Variants in FARS2 observed in about 807,000 individuals in gnomAD.
The protein encoded by FARS2 is phenylalanine--tRNA ligase, mitochondrial.
In FARS2, 40 loss-of-function variants were observed where a neutral mutation model predicts 46.4. That is an observed-to-expected ratio of 0.86 (90% CI 0.67 to 1.12). FARS2 has a LOEUF of 1.12. Ranked by LOEUF, FARS2 falls within the 50% of genes most tolerant of loss-of-function variation. The pLI, the probability that FARS2 is intolerant of heterozygous loss-of-function variation, is 0.00. For synonymous variants in FARS2, 234 were observed against 214.9 expected (o/e 1.09, Z -0.78); for missense variants, 513 against 567.9 (o/e 0.90, Z 0.98).
intron 5 of FARS2, among the ~76,000 whole-genome samples, chr6:5,596,044 C>A (rs1179082100): frequency 6.6e-6 from 1 of 152,090 alleles, no homozygotes; most frequent in East Asian, 1.9e-4. Context: ...TATGTTACCC[C>A]ATTTAATTTT....
intron 2 of FARS2, among the ~76,000 whole-genome samples, chr6:5,393,551 G>T (rs1176511217): frequency 2.0e-5 from 3 of 152,108 alleles, no homozygotes; most frequent in Non-Finnish European, 2.9e-5. Context: ...CCAGCTACTT[G>T]GGAGGCTGAG....
chr6:5,577,905 C>T (rs974908596), intron 5 of FARS2, among the ~76,000 whole-genome samples: 1 of 152,036 alleles, frequency 6.6e-6, no homozygotes, highest in African/African-American at 2.4e-5. Context: ...GGGTTCACGC[C>T]ATTCTCCTGC....
At chr6:5,411,475 G>T (rs1761938893) in intron 3 of FARS2, among the ~76,000 whole-genome samples, 1 of 152,006 alleles carries the variant, frequency 6.6e-6, no homozygotes, top group South Asian at 2.1e-4. Flanking sequence ...AAAACTTAAG[G>T]TTCACTCTTT....
chr6:5,517,735 A>G (rs566226705), intron 4 of FARS2, among the ~76,000 whole-genome samples: 1 of 152,338 alleles, frequency 6.6e-6, no homozygotes, highest in East Asian at 1.9e-4. Context: ...TACATGGTGA[A>G]ATGAGTATTT....
intron 5 of FARS2, among the ~76,000 whole-genome samples, chr6:5,558,573 G>A (rs1771803252): frequency 6.6e-6 from 1 of 151,926 alleles, no homozygotes; most frequent in Non-Finnish European, 1.5e-5. Context: ...GTCTCTCTCT[G>A]TCCCCCAGGC....
chr6:5,538,245 A>T (rs1770344591), intron 4 of FARS2, among the ~76,000 whole-genome samples: 1 of 152,094 alleles, frequency 6.6e-6, no homozygotes, highest in South Asian at 2.1e-4. Flanking sequence ...TGAAAATTAT[A>T]CCTACCTTGG....
At chr6:5,527,640 A>T (rs543579012) in intron 4 of FARS2, among the ~76,000 whole-genome samples, 1 of 152,346 alleles carries the variant, frequency 6.6e-6, no homozygotes, top group Admixed American at 6.5e-5. Flanking sequence ...GATCATTTTA[A>T]TGCACTTAAA....
intron 6 of FARS2, among the ~76,000 whole-genome samples, chr6:5,689,501 G>T (rs1393686992): frequency 6.6e-6 from 1 of 152,182 alleles, no homozygotes; most frequent in Non-Finnish European, 1.5e-5. Context: ...CCATGTAGTT[G>T]AGCGGTTTTG....
intron 5 of FARS2, among the ~76,000 whole-genome samples, chr6:5,585,004 A>G (rs1773537412): frequency 6.6e-6 from 1 of 152,200 alleles, no homozygotes; most frequent in African/African-American, 2.4e-5. Flanking sequence ...TTATTGTAAT[A>G]TCCTTCTTCC....
At chr6:5,351,138 A>T (rs905823968) in intron 1 of FARS2, among the ~76,000 whole-genome samples, 7 of 152,168 alleles carry the variant, frequency 4.6e-5, no homozygotes, top group African/African-American at 1.7e-4. Flanking sequence ...TCTGTATTGC[A>T]TTTATTCCAC....
At chr6:5,462,930 A>G (rs555662048) in intron 4 of FARS2, among the ~76,000 whole-genome samples, 2 of 152,358 alleles carry the variant, frequency 1.3e-5, no homozygotes, top group East Asian at 3.9e-4. Flanking sequence ...TGGAATTTAT[A>G]TTTATATCAG....
intron 2 of FARS2, among the ~76,000 whole-genome samples, chr6:5,401,010 T>G (rs368259412): frequency 6.6e-6 from 1 of 152,194 alleles, no homozygotes; most frequent in African/African-American, 2.4e-5. Context: ...TTGTATCCAT[T>G]TGCCTGTTAT....
chr6:5,693,539 C>T lies in FARS2; in HGVS notation c.1218-77752C>T, dbSNP rs534275169. ...TTATCCTTAGCAGTTGCAAGGTGGC[C>T]TGTTTTCAAGTAAACCTAGAGTAAA... On this transcript the variant is annotated intron_variant, in intron 6 of 6. Coordinates refer to ENST00000274680, the MANE Select transcript of FARS2 (RefSeq NM_006567.5). Among the ~76,000 whole-genome samples the T allele has an allele frequency of 3.9e-4, 60 of 152,336 alleles. No homozygotes were observed. The South Asian group carries it at 0.01, about 26-fold the overall frequency.
intron 3 of FARS2, among the ~76,000 whole-genome samples, chr6:5,405,418 G>A (rs1761510164): frequency 6.6e-6 from 1 of 150,858 alleles, no homozygotes; most frequent in Admixed American, 6.6e-5. Context: ...AAATATACAG[G>A]CTGATTTGGA....
chr6:5,541,207 A>G (rs1001729497), intron 4 of FARS2, among the ~76,000 whole-genome samples: 1 of 152,206 alleles, frequency 6.6e-6, no homozygotes, highest in Non-Finnish European at 1.5e-5. Flanking sequence ...TCCACAAACT[A>G]TCAGTTTCCA....
intron 4 of FARS2, among the ~76,000 whole-genome samples, chr6:5,541,870 C>G (rs947647031): frequency 2.0e-5 from 3 of 152,150 alleles, no homozygotes; most frequent in African/African-American, 7.2e-5. Flanking sequence ...GTGGATTATT[C>G]ATGAGTTTTC....
rs1762664532 is a variant in FARS2, at chr6:5,764,791, G to C, written c.1218-6500G>C. Among the ~76,000 whole-genome samples, 1 of 152,184 alleles carries C rather than the reference G, an allele frequency of 6.6e-6. No individual in the cohort carries two copies. The highest frequency in any genetic ancestry group is 1.5e-5 in the Non-Finnish European group (1 of 68,036). On this transcript the variant is annotated intron_variant, in intron 6 of 6. Transcript: ENST00000274680. This position sits in a 1 kb window ranked among gnomAD's most constrained non-coding sequence, Gnocchi z 4.1. ...TTATTTTGAGTGCAGAGCCTGTTTG[G>C]TTGCCAGGGTAAACCAAGTGGTTGT...
At chr6:5,684,110 T>C (rs189839983) in intron 6 of FARS2, among the ~76,000 whole-genome samples, 1 of 152,284 alleles carries the variant, frequency 6.6e-6, no homozygotes, top group Non-Finnish European at 1.5e-5. Flanking sequence ...CGCGGTTTCT[T>C]GTATACCTGC....
rs1762687020 is a variant in FARS2 at position 5,765,170 on chromosome 6, GC to G, written c.1218-6118del. ...CCCTGCTGTTGCATTCTGCCGTCCA[GC>G]CCAGCTCTCCCATTGGCCCACACGG... On this transcript the variant is annotated intron_variant, in intron 6 of 6. Coordinates refer to ENST00000274680, the MANE Select transcript of FARS2 (RefSeq NM_006567.5). The surrounding 1 kb of genome is among the most constrained non-coding windows in gnomAD (Gnocchi z 4.0). Among the ~76,000 whole-genome samples the G allele has an allele frequency of 2.0e-5, 3 of 152,340 alleles. No homozygotes were observed. Among genetic ancestry groups the G allele is most frequent in the Non-Finnish European group, 4.4e-5 (3 of 68,026 alleles).
Sources: allele counts gnomAD v4.1 joint callset (sites outside exome capture counted in the v4.1 genomes callset), GRCh38; gene constraint gnomAD v4.1.1; non-coding constraint Gnocchi (gnomAD v3.1); transcripts MANE v1.5; gene names NCBI Gene and HGNC (gene_info 2026-07-23, HGNC 2026-07-21).